The following ADAMTS16 variants were observed in gnomAD, a reference collection of about 807,000 sequenced individuals.
The protein encoded by ADAMTS16 is ADAM metallopeptidase with thrombospondin type 1 motif 16, also known as A disintegrin and metalloproteinase with thrombospondin motifs 16.
ADAMTS16 carries 94 observed loss-of-function variants against 145.8 expected under a neutral mutation model. The observed-to-expected ratio is 0.64, with a 90% CI of 0.55 to 0.77. The LOEUF (loss-of-function observed/expected upper bound fraction) is 0.77. Ranked by LOEUF, ADAMTS16 falls within the 30% of genes least tolerant of loss-of-function variation. The probability of loss-of-function intolerance (pLI) is 0.00; values close to 1 mark genes in which losing one functional copy is unlikely to be tolerated. For synonymous variants in ADAMTS16, 659 were observed against 604.3 expected (o/e 1.09, Z -1.33); for missense variants, 1,585 against 1,591.5 (o/e 1.00, Z 0.07).
chr5:5,141,820 C>T (rs1463043200), intron 2 of ADAMTS16, among the ~76,000 whole-genome samples: 1 of 152,088 alleles, frequency 6.6e-6, no homozygotes, highest in Admixed American at 6.5e-5. Flanking sequence ...TGACCGGTGT[C>T]AGATTGACGC....
intron 4 of ADAMTS16, among the ~76,000 whole-genome samples, chr5:5,184,012 T>A (rs991225444): frequency 9.2e-5 from 14 of 152,200 alleles, no homozygotes; most frequent in African/African-American, 2.9e-4. Flanking sequence ...TGCCAAATAT[T>A]TCCGTCCCCC....
chr5:5,263,919 GA>G (rs1287200212), intron 18 of ADAMTS16, among the ~76,000 whole-genome samples: 1 of 152,168 alleles, frequency 6.6e-6, no homozygotes, highest in Non-Finnish European at 1.5e-5. Context: ...CTTGACCACT[GA>G]AGGATGGTGA....
intron 20 of ADAMTS16, among the ~76,000 whole-genome samples, chr5:5,305,129 CCACACACACACAT>C (rs1740026028): frequency 6.2e-5 from 3 of 48,136 alleles, no homozygotes; most frequent in South Asian, 9.2e-4. Flanking sequence ...ACACCCCACA[CCACACACACACAT>C]CCCACACCAC....
At chr5:5,251,438 T>C (rs1217598342) in intron 17 of ADAMTS16, among the ~76,000 whole-genome samples, 1 of 152,266 alleles carries the variant, frequency 6.6e-6, no homozygotes, top group African/African-American at 2.4e-5. Context: ...ATAATGCTTC[T>C]ATACTCCAAA....
At chr5:5,150,492 C>T (rs574826344) in intron 3 of ADAMTS16, among the ~76,000 whole-genome samples, 15 of 152,352 alleles carry the variant, frequency 9.8e-5, no homozygotes, top group African/African-American at 3.6e-4. Context: ...GTGCATGCAA[C>T]ATGGCTGGGG....
intron 11 of ADAMTS16, among the ~76,000 whole-genome samples, chr5:5,225,398 A>G (rs1736731207): frequency 6.6e-6 from 1 of 152,130 alleles, no homozygotes; most frequent in Non-Finnish European, 1.5e-5. Context: ...AGGTCAAGAG[A>G]TCGAGACCAT....
chr5:5,146,185 T>A lies in ADAMTS16; in HGVS notation c.231T>A (p.His77Gln). Residue 77 changes from histidine to glutamine, a missense_variant, in exon 3 of 23, where the codon CAT (histidine) becomes CAA (glutamine). Transcript: ENST00000274181. Reference sequence around the variant, plus strand: ...ACCACAGGGGCGATTACGTGTCCCATGAAATCATGCACCATCAGCGGCGGA... The same window carrying A: ...ACCACAGGGGCGATTACGTGTCCCAAGAAATCATGCACCATCAGCGGCGGA... ...EVDHRGDYVS[H>Q]EIMHHQRRRR... 6.2e-7 allele frequency: 1 copy of A among 1,614,204 alleles called. No individual in the cohort carries two copies. Among genetic ancestry groups the A allele is most frequent in the Non-Finnish European group, 8.5e-7 (1 of 1,180,034 alleles).
At chr5:5,318,998 G>A (rs1455912474) in intron 22 of ADAMTS16, 25 bp from the exon 23 acceptor site, 1 of 1,549,374 alleles carries the variant, frequency 6.5e-7, no homozygotes, top group Admixed American at 1.7e-5. Flanking sequence ...GGATCGCTGA[G>A]TAATGCAGCT....
chr5:5,171,463 T>G (rs1735040535), intron 3 of ADAMTS16, among the ~76,000 whole-genome samples: 1 of 152,238 alleles, frequency 6.6e-6, no homozygotes, highest in African/African-American at 2.4e-5. Flanking sequence ...CCCAGTGTTT[T>G]GATGATTGTT....
chr5:5,141,666 A>T (rs1031783120), intron 2 of ADAMTS16, among the ~76,000 whole-genome samples: 1 of 152,234 alleles, frequency 6.6e-6, no homozygotes, highest in Admixed American at 6.5e-5. Context: ...TTTCCAGAAG[A>T]TCTAGAAAAT....
chr5:5,272,645 G>A (rs576795695), intron 18 of ADAMTS16, among the ~76,000 whole-genome samples: 2 of 152,194 alleles, frequency 1.3e-5, no homozygotes, highest in South Asian at 2.1e-4. Context: ...GATTACAGGC[G>A]TGAGCCACTG....
chr5:5,223,579 T>C (rs1250322792), intron 11 of ADAMTS16: 1 of 152,022 alleles, frequency 6.6e-6, no homozygotes. Flanking sequence ...TGCCAAACTT[T>C]AGTGACACGT....
intron 21 of ADAMTS16, among the ~76,000 whole-genome samples, chr5:5,311,300 C>CAAAAAAA (rs57267931): frequency 3.5e-4 from 45 of 127,856 alleles, no homozygotes; most frequent in African/African-American, 9.7e-4. Context: ...TTGACATAGG[C>CAAAAAAA]AAAAAAAAAA....
chr5:5,305,023 AC>A (rs1739995624), intron 20 of ADAMTS16, among the ~76,000 whole-genome samples: 2 of 73,182 alleles, frequency 2.7e-5, no homozygotes, highest in Non-Finnish European at 6.0e-5. Flanking sequence ...CCACACACAC[AC>A]ACACACATCC....
intron 17 of ADAMTS16, among the ~76,000 whole-genome samples, chr5:5,250,711 G>C (rs201462749): frequency 2.0e-5 from 1 of 51,002 alleles, no homozygotes; most frequent in African/African-American, 6.1e-5. Context: ...TCTTCTCTCT[G>C]TGTGTGTGTG....
At chr5:5,240,260 G>C (rs114771447) in intron 16 of ADAMTS16, among the ~76,000 whole-genome samples, 3,725 of 152,066 alleles carry the variant, frequency 0.024, 174 homozygotes, top group African/African-American at 0.086. Context: ...CCTGTGTCTG[G>C]GGTGGGATCA....
intron 16 of ADAMTS16, 91 bp downstream of exon 16, chr5:5,240,016 G>A (rs1737239185): frequency 3.3e-6 from 5 of 1,530,884 alleles, no homozygotes; most frequent in Non-Finnish European, 4.4e-6. Context: ...ATTTTAAGAA[G>A]AATGTAAACA....
At position 5,220,628 on chromosome 5, in the gene ADAMTS16, G is replaced by T. The variant is rs13170100; in HGVS notation, c.1606-2161G>T. On this transcript the variant is annotated intron_variant, in intron 10 of 22. Transcript: ENST00000274181. ...TCTCCTCAAGCCCTTAAGCGAGAAA[G>T]GAAAGGTGCAGTGCCCTAGTGCCTT... Among the ~76,000 whole-genome samples, 16 of 151,946 alleles carry T rather than the reference G, an allele frequency of 1.1e-4. 2 individuals are homozygous for T. Among genetic ancestry groups the T allele is most frequent in the Admixed American group, 5.2e-4 (8 of 15,270 alleles).
chr5:5,254,869 T>C (rs1295226983), intron 17 of ADAMTS16, among the ~76,000 whole-genome samples: 1 of 152,158 alleles, frequency 6.6e-6, no homozygotes, highest in Non-Finnish European at 1.5e-5. Context: ...TGCTAAAATA[T>C]ACTACATTAA....
Sources: allele counts gnomAD v4.1 joint callset (sites outside exome capture counted in the v4.1 genomes callset), GRCh38; gene constraint gnomAD v4.1.1; transcripts MANE v1.5; gene names NCBI Gene and HGNC (gene_info 2026-07-23, HGNC 2026-07-21).